The following AKAP19 variants were observed in gnomAD, a reference collection of about 807,000 sequenced individuals.
AKAP19 encodes the protein small A-kinase anchoring protein.
chr2:190,120,568 A>G, the AKAP19 span, among the ~76,000 whole-genome samples: 1 of 152,196 alleles, frequency 6.6e-6, no homozygotes, highest in Non-Finnish European at 1.5e-5. Flanking sequence ...GGCTGGAACC[A>G]CTCAAACTAC....
At chr2:189,888,762 G>A in the AKAP19 span, among the ~76,000 whole-genome samples, 1 of 152,196 alleles carries the variant, frequency 6.6e-6, no homozygotes, top group East Asian at 1.9e-4. Context: ...TGGTGTTTAA[G>A]AATGCTTGTG....
the AKAP19 span, among the ~76,000 whole-genome samples, chr2:190,139,302 A>G: frequency 6.6e-6 from 1 of 152,212 alleles, no homozygotes; most frequent in African/African-American, 2.4e-5. Flanking sequence ...AGGGCATTAC[A>G]GAAATAAGGC....
the AKAP19 span, among the ~76,000 whole-genome samples, chr2:190,133,194 C>A: frequency 7.6e-6 from 1 of 131,900 alleles, no homozygotes. Context: ...GCCGAGATCA[C>A]GCCACTGCAC....
chr2:189,987,750 C>G, the AKAP19 span, among the ~76,000 whole-genome samples: 5 of 152,252 alleles, frequency 3.3e-5, no homozygotes, highest in Admixed American at 1.3e-4. Context: ...TAATTTCTGC[C>G]CAGCATAACT....
the AKAP19 span, among the ~76,000 whole-genome samples, chr2:190,075,603 C>G: frequency 7.2e-5 from 11 of 152,146 alleles, no homozygotes; most frequent in Non-Finnish European, 1.0e-4. Flanking sequence ...TTATCTCTGG[C>G]AATATCCCTT....
At chr2:189,977,728 T>C in the AKAP19 span, among the ~76,000 whole-genome samples, 4 of 152,204 alleles carry the variant, frequency 2.6e-5, no homozygotes, top group African/African-American at 9.7e-5. Flanking sequence ...GGACTGAATC[T>C]TGGGGTACTT....
chr2:190,030,925 A>C, the AKAP19 span, among the ~76,000 whole-genome samples: 2 of 152,210 alleles, frequency 1.3e-5, no homozygotes, highest in African/African-American at 4.8e-5. Context: ...GATTTTAAGA[A>C]GACAAATTAG....
At chr2:189,939,619 G>A in the AKAP19 span, among the ~76,000 whole-genome samples, 1 of 152,066 alleles carries the variant, frequency 6.6e-6, no homozygotes, top group South Asian at 2.1e-4. Context: ...TGAACTCTAT[G>A]ACTAATCATT....
At chr2:190,049,799 T>C in the AKAP19 span, among the ~76,000 whole-genome samples, 1 of 152,274 alleles carries the variant, frequency 6.6e-6, no homozygotes, top group African/African-American at 2.4e-5. Flanking sequence ...CAGCTGAATG[T>C]ATTCTAAGTA....
chr2:189,940,885 C>T, the AKAP19 span, among the ~76,000 whole-genome samples: 322 of 151,508 alleles, frequency 2.1e-3, 3 homozygotes, highest in African/African-American at 6.9e-3. Flanking sequence ...AGCAAGACTC[C>T]GTCTCAAAAA....
the AKAP19 span, chr2:190,057,538 C>T: frequency 3.0e-5 from 49 of 1,613,362 alleles, no homozygotes; most frequent in Non-Finnish European, 4.0e-5. Context: ...TAGAGGGTAA[C>T]GACAGCATCG....
At chr2:189,944,492 C>T in the AKAP19 span, among the ~76,000 whole-genome samples, 52 of 152,164 alleles carry the variant, frequency 3.4e-4, no homozygotes, top group African/African-American at 1.1e-3. Context: ...TATCCCACCT[C>T]GGGTATTTCT....
At chr2:190,006,815 G>A in the AKAP19 span, among the ~76,000 whole-genome samples, 5 of 151,366 alleles carry the variant, frequency 3.3e-5, no homozygotes, top group Non-Finnish European at 5.9e-5. Flanking sequence ...TCAGGAGATC[G>A]AGACTATCCT....
At chr2:189,948,335 GTC>G in the AKAP19 span, among the ~76,000 whole-genome samples, 1 of 151,616 alleles carries the variant, frequency 6.6e-6, no homozygotes, top group Non-Finnish European at 1.5e-5. Context: ...AATTTTCTTT[GTC>G]TCTGTTTAGC....
the AKAP19 span, among the ~76,000 whole-genome samples, chr2:190,091,562 A>AC: frequency 4.0e-5 from 6 of 151,892 alleles, no homozygotes; most frequent in Admixed American, 2.6e-4. Flanking sequence ...ACACACACAC[A>AC]AGTAGCCCAA....
the AKAP19 span, among the ~76,000 whole-genome samples, chr2:190,145,960 T>G: frequency 6.9e-6 from 1 of 145,116 alleles, no homozygotes; most frequent in Non-Finnish European, 1.5e-5. Context: ...AACCTCTTCC[T>G]GATGGTTATT....
the AKAP19 span, among the ~76,000 whole-genome samples, chr2:189,998,771 C>CTTTTTTTTTTTTTT: frequency 6.0e-4 from 59 of 97,536 alleles, no homozygotes; most frequent in East Asian, 1.3e-3. Flanking sequence ...TTCTTTCTTT[C>CTTTTTTTTTTTTTT]TTTTTTTTTT....
the AKAP19 span, among the ~76,000 whole-genome samples, chr2:189,973,874 T>C: frequency 6.6e-6 from 1 of 152,154 alleles, no homozygotes; most frequent in African/African-American, 2.4e-5. Context: ...TCCTCTCTCT[T>C]TTCTTATTAG....
chr2:190,053,591 T>G, the AKAP19 span, among the ~76,000 whole-genome samples: 4 of 152,170 alleles, frequency 2.6e-5, no homozygotes, highest in South Asian at 6.2e-4. Flanking sequence ...AAACTGGAAC[T>G]GAATGACCAT....
Sources: allele counts gnomAD v4.1 joint callset (sites outside exome capture counted in the v4.1 genomes callset), GRCh38; gene constraint gnomAD v4.1.1; transcripts MANE v1.5; gene names NCBI Gene and HGNC (gene_info 2026-07-23, HGNC 2026-07-21).